The following EFCAB6 variants were observed in gnomAD, a reference collection of about 807,000 sequenced individuals.
EFCAB6 encodes EF-hand calcium binding domain 6.
A neutral mutation model predicts 169.8 loss-of-function variants in EFCAB6; 156 were observed. The ratio of observed to expected loss-of-function variants is 0.92; its 90% CI spans 0.81 to 1.05. The LOEUF is 1.05. EFCAB6 is among the 50% of genes least tolerant of loss of function. The probability of loss-of-function intolerance (pLI) is 0.00; values close to 1 mark genes in which losing one functional copy is unlikely to be tolerated. For synonymous variants in EFCAB6, 698 were observed against 676.4 expected, an observed-to-expected ratio of 1.03 and a Z score of -0.50; for missense variants, 1,800 against 1,829.1, an observed-to-expected ratio of 0.98 and a Z score of 0.29.
intron 23 of EFCAB6, among the ~76,000 whole-genome samples, chr22:43,598,809 G>C: frequency 6.6e-6 from 1 of 152,086 alleles, no homozygotes; most frequent in East Asian, 1.9e-4. Context: ...AATATAGCTA[G>C]AAGAGAAGAT....
In EFCAB6 at chr22:43,773,120, G is replaced by C; in HGVS notation, c.140-17C>G. ...CAGCTGTGGCTATAAAAGAGATACAGCTATTTATTAAACATGTTTAAAGCC... is the reference window on the plus strand; with the variant it reads ...CAGCTGTGGCTATAAAAGAGATACACCTATTTATTAAACATGTTTAAAGCC... On this transcript the variant is annotated splice_polypyrimidine_tract_variant and intron_variant, in intron 3 of 31. Transcript: ENST00000262726. The C allele has an allele frequency of 6.2e-7, 1 of 1,612,260 alleles. No homozygotes were observed. Among genetic ancestry groups the C allele is most frequent in the Non-Finnish European group, 8.5e-7 (1 of 1,178,638 alleles).
rs200937643 is a variant in EFCAB6, at chr22:43,635,098, C to G, written c.2098+4G>C. 7.0e-4 allele frequency: 1,133 copies of G among 1,613,754 alleles called. No homozygotes were observed. The highest frequency in any genetic ancestry group is 8.9e-4 in the Non-Finnish European group (1,054 of 1,179,690). ...CACAGGGTGTGGACTTGGCCATTAGCTACCTTCAAATCCTGCTGCAAAATC... is the reference window on the plus strand; with the variant it reads ...CACAGGGTGTGGACTTGGCCATTAGGTACCTTCAAATCCTGCTGCAAAATC... On this transcript the variant is annotated splice_donor_region_variant and intron_variant, in intron 18 of 31. Transcript: ENST00000262726.
chr22:43,615,409 A>G (rs1473477427), intron 21 of EFCAB6, among the ~76,000 whole-genome samples: 1 of 152,234 alleles, frequency 6.6e-6, no homozygotes, highest in Non-Finnish European at 1.5e-5. Flanking sequence ...ACAGGAAGAA[A>G]CAGCTCTTTA....
chr22:43,751,686 T>C (rs963904366), intron 6 of EFCAB6, among the ~76,000 whole-genome samples: 2 of 152,196 alleles, frequency 1.3e-5, no homozygotes, highest in African/African-American at 2.4e-5. Context: ...AACTCTGTGG[T>C]TGGAACACAA....
At chr22:43,680,198 C>T (rs1202358018) in intron 12 of EFCAB6, among the ~76,000 whole-genome samples, 1 of 152,142 alleles carries the variant, frequency 6.6e-6, no homozygotes, top group East Asian at 1.9e-4. Flanking sequence ...GTCCTCTTAA[C>T]ATTTTAACAG....
chr22:43,765,494 A>G, intron 4 of EFCAB6, 101 bp from the exon 5 acceptor site: 1 of 828,664 alleles, frequency 1.2e-6, no homozygotes, highest in African/African-American at 1.7e-5. Context: ...GATGTAACAG[A>G]GAATACTATT....
intron 5 of EFCAB6, among the ~76,000 whole-genome samples, chr22:43,760,144 C>T (rs1034944755): frequency 7.3e-5 from 10 of 136,968 alleles, no homozygotes; most frequent in African/African-American, 2.0e-4. Flanking sequence ...GCAGAGGTTG[C>T]AGTGAGCTGA....
intron 27 of EFCAB6, among the ~76,000 whole-genome samples, chr22:43,550,249 C>T (rs1273073840): frequency 1.3e-5 from 2 of 152,114 alleles, no homozygotes; most frequent in Non-Finnish European, 2.9e-5. Flanking sequence ...GGCACCTCCT[C>T]CAGGGTCACA....
chr22:43,746,512 T>C (rs1163671386), intron 6 of EFCAB6, among the ~76,000 whole-genome samples: 2 of 152,208 alleles, frequency 1.3e-5, no homozygotes, highest in African/African-American at 4.8e-5. Context: ...TTAAAATGCT[T>C]ACCTGTAACG....
chr22:43,689,492 A>G lies in EFCAB6; in HGVS notation c.1032-1911T>C, dbSNP rs1219355087. On this transcript the variant is annotated intron_variant, in intron 10 of 31. Transcript: ENST00000262726. ...CCCAGGGGCTGAGAAGGAAATAGGCAATCAGCGGGGCTAGAGATGCATCTG... is the reference window on the plus strand; with the variant it reads ...CCCAGGGGCTGAGAAGGAAATAGGCGATCAGCGGGGCTAGAGATGCATCTG... Among the ~76,000 whole-genome samples, 4 of 152,184 alleles carry G rather than the reference A, an allele frequency of 2.6e-5. No homozygotes were observed. The East Asian group carries it at 7.7e-4, about 29-fold the overall frequency.
chr22:43,528,872 A>C lies in EFCAB6; in HGVS notation c.4487T>G (p.Leu1496Arg), dbSNP rs749463149. ...GGGTGTCTACTGGAGGAATGCCCGG[A>C]GGAAGTCGTTGTAGGAGATTTTTGA... is the stretch of plus-strand genomic sequence containing the variant. The part of the protein sequence containing the change: ...LSSKISYNDF[L>R]RAFLQ Residue 1496 changes from leucine (L) to arginine (R), a missense_variant, in exon 32 of 32, where the codon CTC (leucine) becomes CGC (arginine). Physicochemically the swap from Leu to Arg is moderately radical, Grantham distance 102 (BLOSUM62 -2). Coordinates refer to ENST00000262726, the MANE Select transcript of EFCAB6 (RefSeq NM_022785.4). 6 of 1,610,672 alleles carry C rather than the reference A, an allele frequency of 3.7e-6. No individual in the cohort carries two copies. In the East Asian group the frequency reaches 1.1e-4, roughly 30 times the overall value.
intron 1 of EFCAB6, among the ~76,000 whole-genome samples, chr22:43,809,376 T>A (rs2063026965): frequency 6.6e-6 from 1 of 152,238 alleles, no homozygotes; most frequent in Non-Finnish European, 1.5e-5. Context: ...GATTCTGATT[T>A]ACATGTTTCT....
chr22:43,626,043 GTATGTATGTGTGTATATA>G lies in EFCAB6; in HGVS notation c.2465+386_2465+403del, dbSNP rs201952451. Among the ~76,000 whole-genome samples the G allele has an allele frequency of 1.3e-3, 198 of 152,188 alleles. 2 individuals carry two copies. In the East Asian group the frequency reaches 0.029, roughly 22 times the overall value. The stretch of plus-strand genomic sequence containing the variant: ...TTAATACATAGAAAAATAAGTATAT[GTATGTATGTGTGTATATA>G]TATGTATGTGTGTATATATATATTT... On this transcript the variant is annotated intron_variant, in intron 20 of 31. Transcript: ENST00000262726.
At chr22:43,538,695 G>A (rs2047527981) in intron 28 of EFCAB6, among the ~76,000 whole-genome samples, 1 of 152,084 alleles carries the variant, frequency 6.6e-6, no homozygotes, top group Non-Finnish European at 1.5e-5. Flanking sequence ...CTCCAGAGTG[G>A]TCTTTAAAGA....
intron 23 of EFCAB6, among the ~76,000 whole-genome samples, chr22:43,591,121 TTTG>T (rs1206119176): frequency 6.1e-4 from 79 of 130,286 alleles, no homozygotes; most frequent in African/African-American, 2.2e-3. Context: ...GTTTTTTTTT[TTTG>T]TTTTTTTTTT....
At chr22:43,770,941 G>A (rs540411192) in intron 4 of EFCAB6, among the ~76,000 whole-genome samples, 4 of 151,622 alleles carry the variant, frequency 2.6e-5, no homozygotes, top group African/African-American at 9.7e-5. Context: ...AAAAAAAAGA[G>A]AGAGAGAGAG....
chr22:43,759,313 TAGG>T (rs1447840832), intron 5 of EFCAB6: 1 of 152,254 alleles, frequency 6.6e-6, no homozygotes, highest in Non-Finnish European at 1.5e-5. Flanking sequence ...TCAGGTTCTT[TAGG>T]AGATTTTTCT....
At chr22:43,796,259 T>A (rs1013530616) in intron 2 of EFCAB6, among the ~76,000 whole-genome samples, 21 of 151,994 alleles carry the variant, frequency 1.4e-4, no homozygotes, top group African/African-American at 4.3e-4. Flanking sequence ...CTGTCTTCCC[T>A]GTCAGACTAT....
At chr22:43,697,228 T>C (rs1014908793) in intron 10 of EFCAB6, among the ~76,000 whole-genome samples, 5 of 152,212 alleles carry the variant, frequency 3.3e-5, no homozygotes, top group African/African-American at 1.2e-4. Context: ...TTACCTAACG[T>C]AAACCTTAAA....
Sources: gnomAD v4.1 joint callset for allele counts (sites outside exome capture counted in the v4.1 genomes callset) on GRCh38, gnomAD v4.1.1 for gene constraint, MANE v1.5 for transcripts, NCBI Gene and HGNC (gene_info 2026-07-23, HGNC 2026-07-21) for gene names.